DNAH11: variants seen among roughly 807,000 people sequenced by gnomAD.
DNAH11 encodes the protein dynein axonemal heavy chain 11.
A neutral mutation model predicts 526.0 loss-of-function variants in DNAH11; 442 were observed. That is an observed-to-expected ratio of 0.84 (90% confidence interval 0.78 to 0.91). The LOEUF is 0.91. DNAH11 is among the 40% of genes least tolerant of loss of function. DNAH11 has a pLI of 0.00. For synonymous variants in DNAH11, 2,461 were observed against 1,935.9 expected (o/e 1.27, Z -7.12); for missense variants, 6,989 against 5,448.7 (o/e 1.28, Z -8.90).
intron 29 of DNAH11, among the ~76,000 whole-genome samples, chr7:21,656,371 A>G (rs532481892): frequency 5.3e-5 from 8 of 152,246 alleles, no homozygotes; most frequent in Non-Finnish European, 7.4e-5. Context: ...CCTTGCAATA[A>G]AGCTTGTTTT....
intron 65 of DNAH11, among the ~76,000 whole-genome samples, chr7:21,833,849 C>T (rs903187874): frequency 6.6e-6 from 1 of 152,012 alleles, no homozygotes; most frequent in African/African-American, 2.4e-5. Context: ...TGACATGAAA[C>T]CCTCACTCTT....
At chr7:21,743,989 T>G (rs935367689) in intron 49 of DNAH11, among the ~76,000 whole-genome samples, 3 of 152,202 alleles carry the variant, frequency 2.0e-5, no homozygotes, top group African/African-American at 7.2e-5. Context: ...TAGACCCACA[T>G]CTACCCATGA....
At chr7:21,775,073 A>G (rs1163837156) in intron 56 of DNAH11, among the ~76,000 whole-genome samples, 1 of 152,118 alleles carries the variant, frequency 6.6e-6, no homozygotes, top group Admixed American at 6.6e-5. Flanking sequence ...CTCTCTGGCC[A>G]TGTCCTTCAG....
intron 39 of DNAH11, among the ~76,000 whole-genome samples, 175 bp from the exon 40 acceptor site, chr7:21,707,524 C>T (rs1562500647): frequency 1.3e-5 from 2 of 152,208 alleles, no homozygotes; most frequent in Non-Finnish European, 2.9e-5. Flanking sequence ...TAAGATGAAG[C>T]TTTTCAAGAT....
chr7:21,709,031 A>T (rs1274944861), intron 40 of DNAH11, among the ~76,000 whole-genome samples: 1 of 152,222 alleles, frequency 6.6e-6, no homozygotes, highest in Admixed American at 6.5e-5. Context: ...TTTCTCAAAA[A>T]ATTTAAAACG....
intron 79 of DNAH11, among the ~76,000 whole-genome samples, chr7:21,896,800 C>T (rs1017022362): frequency 1.3e-5 from 2 of 152,156 alleles, no homozygotes; most frequent in South Asian, 4.1e-4. Context: ...GGCGCAGTGG[C>T]TCATGCCCAG....
intron 65 of DNAH11, among the ~76,000 whole-genome samples, chr7:21,830,579 G>T (rs114008374): frequency 6.6e-6 from 1 of 152,152 alleles, no homozygotes; most frequent in South Asian, 2.1e-4. Flanking sequence ...ATGTTATGCA[G>T]TGAAATGAAC....
In DNAH11 at chr7:21,765,203, A is replaced by G. The variant is rs1444195122; in HGVS notation, c.8941-225A>G. On this transcript the variant is annotated intron_variant, in intron 54 of 81. Coordinates refer to ENST00000409508, the MANE Select transcript of DNAH11 (RefSeq NM_001277115.2). ...TTTAAGCAAAGAGAGACAAGTTTTAAGGAAAGTACACAGCAGTGTTTCTGT... is the reference window on the plus strand; with the variant it reads ...TTTAAGCAAAGAGAGACAAGTTTTAGGGAAAGTACACAGCAGTGTTTCTGT... Among the ~76,000 whole-genome samples the G allele has an allele frequency of 2.8e-5, 4 of 142,304 alleles. No homozygotes were observed. In the East Asian group the frequency reaches 8.9e-4, roughly 32 times the overall value. The allele number at this position is 142,304 out of a possible 152,430, so 93.4% of individuals were successfully genotyped here. A position where few individuals can be genotyped will look rare whatever the true frequency, so the allele number is the denominator to read the frequency against.
At chr7:21,612,782 A>T (rs1055052510) in intron 20 of DNAH11, among the ~76,000 whole-genome samples, 2 of 152,204 alleles carry the variant, frequency 1.3e-5, no homozygotes, top group African/African-American at 4.8e-5. Flanking sequence ...ATACAAACAT[A>T]CTAAACAAAA....
At chr7:21,548,861 A>G (rs1782909319) in intron 2 of DNAH11, among the ~76,000 whole-genome samples, 1 of 151,908 alleles carries the variant, frequency 6.6e-6, no homozygotes, top group Non-Finnish European at 1.5e-5. Context: ...GACCTCCGCA[A>G]TGTGGGAAAG....
intron 62 of DNAH11, among the ~76,000 whole-genome samples, chr7:21,804,579 G>A (rs1255378893): frequency 2.6e-5 from 4 of 152,086 alleles, no homozygotes; most frequent in Non-Finnish European, 5.9e-5. Flanking sequence ...TGTTCTTCCA[G>A]TTTTTCTGGC....
chr7:21,738,822 T>G lies in DNAH11; in HGVS notation c.7767T>G (p.Val2589=). ...NMPEVDLYGT[V]QPHTLIRQHI... is the part of the protein sequence containing the mutation. Reference sequence around the variant, plus strand: ...CTGAAGTGGACTTATATGGCACCGTTCAGCCTCACACCCTGATCCGGCAGC... The same window carrying G: ...CTGAAGTGGACTTATATGGCACCGTGCAGCCTCACACCCTGATCCGGCAGC... The change falls in exon 47 of 82, where the codon GTT becomes GTG. Residue 2589 remains valine (V), a synonymous_variant. Coordinates refer to ENST00000409508, the MANE Select transcript of DNAH11 (RefSeq NM_001277115.2). The G allele has an allele frequency of 1.9e-6, 3 of 1,606,634 alleles. No individual in the cohort carries two copies. The East Asian group carries it at 6.7e-5, about 36-fold the overall frequency.
intron 76 of DNAH11, among the ~76,000 whole-genome samples, chr7:21,890,599 T>C (rs1342040434): frequency 6.6e-6 from 1 of 152,214 alleles, no homozygotes; most frequent in Non-Finnish European, 1.5e-5. Context: ...AGTTGGGATA[T>C]GTGGATTCTA....
In DNAH11 at chr7:21,767,212, C is replaced by T. The variant is rs575495048; in HGVS notation, c.9102+1623C>T. 3.3e-5 allele frequency among the ~76,000 whole-genome samples: 5 copies of T among 152,214 alleles called. No individual in the cohort carries two copies. The East Asian group carries it at 5.8e-4, about 18-fold the overall frequency. On this transcript the variant is annotated intron_variant, in intron 55 of 81. Transcript: ENST00000409508. ...AAGGGAGAGAGTCAGTATGTATCTTCTGATAGCAAATTTGTGTTTCATCAG... is the reference window on the plus strand; with the variant it reads ...AAGGGAGAGAGTCAGTATGTATCTTTTGATAGCAAATTTGTGTTTCATCAG...
intron 30 of DNAH11, among the ~76,000 whole-genome samples, chr7:21,676,337 A>G (rs1782883214): frequency 6.6e-6 from 1 of 152,218 alleles, no homozygotes; most frequent in Admixed American, 6.5e-5. Flanking sequence ...TACTGATTAC[A>G]TGATAGGATA....
chr7:21,607,089 A>G (rs1164255815), intron 20 of DNAH11, among the ~76,000 whole-genome samples: 6 of 152,206 alleles, frequency 3.9e-5, no homozygotes, highest in African/African-American at 1.4e-4. Context: ...GAGTCTCAAA[A>G]CCTCAAAAGT....
At chr7:21,631,021 A>T (rs1354737703) in intron 25 of DNAH11, among the ~76,000 whole-genome samples, 1 of 152,174 alleles carries the variant, frequency 6.6e-6, no homozygotes, top group South Asian at 2.1e-4. Flanking sequence ...GGCAATTTAC[A>T]AAAGAAAGAG....
intron 75 of DNAH11, 63 bp from the exon 76 acceptor site, chr7:21,884,228 G>C: frequency 6.8e-7 from 1 of 1,474,824 alleles, no homozygotes; most frequent in Non-Finnish European, 9.0e-7. Context: ...ACGTGCTACT[G>C]GTTGGCTACT....
intron 54 of DNAH11, among the ~76,000 whole-genome samples, chr7:21,751,037 A>T (rs1477925509): frequency 6.6e-6 from 1 of 152,142 alleles, no homozygotes; most frequent in African/African-American, 2.4e-5. Flanking sequence ...AGTAACACTC[A>T]GATGGGCCGG....
Sources: gnomAD v4.1 joint callset for allele counts (sites outside exome capture counted in the v4.1 genomes callset) on GRCh38, gnomAD v4.1.1 for gene constraint, MANE v1.5 for transcripts, NCBI Gene and HGNC (gene_info 2026-07-23, HGNC 2026-07-21) for gene names.